Variants in PREP observed in about 807,000 individuals in gnomAD.
PREP encodes the protein dJ355L5.1 (prolyl endopeptidase).
Under a neutral mutation model 87.6 loss-of-function variants are expected in PREP, and 29 were observed. The observed-to-expected ratio is 0.33, with a 90% CI of 0.25 to 0.45. The LOEUF (loss-of-function observed/expected upper bound fraction) is 0.45. Among genes scored for constraint, PREP ranks in the 20% least tolerant of loss-of-function variants. The pLI is 1.00. For synonymous variants in PREP, 337 were observed against 328.6 expected (o/e 1.03, Z -0.28); for missense variants, 695 against 886.5 (o/e 0.78, Z 2.74).
rs552522056 is a variant in PREP, at chr6:105,300,570, A to G, written c.1318-11676T>C. ...GCACATTTAAAACCATATTCTAAGA[A>G]TAATTGTTTAACAGATAAGAACTCA... On this transcript the variant is annotated intron_variant, in intron 10 of 14. Coordinates refer to ENST00000652536, the MANE Select transcript of PREP (RefSeq NM_002726.5). Among the ~76,000 whole-genome samples the G allele has an allele frequency of 3.3e-5, 5 of 152,354 alleles. No individual in the cohort carries two copies. In the South Asian group the frequency reaches 1.0e-3, roughly 32 times the overall value.
At chr6:105,341,953 G>T (rs1371162234) in intron 7 of PREP, among the ~76,000 whole-genome samples, 3 of 152,164 alleles carry the variant, frequency 2.0e-5, no homozygotes, top group Non-Finnish European at 4.4e-5. Context: ...TCTACCAGAG[G>T]TACAAAGAGG....
At chr6:105,284,899 G>A (rs771625618) in intron 12 of PREP, among the ~76,000 whole-genome samples, 2 of 152,174 alleles carry the variant, frequency 1.3e-5, no homozygotes, top group African/African-American at 2.4e-5. Flanking sequence ...GAATGGAGAC[G>A]GAATAAAACT....
chr6:105,303,147 G>A (rs746587302), intron 10 of PREP, among the ~76,000 whole-genome samples: 4 of 145,064 alleles, frequency 2.8e-5, no homozygotes, highest in Non-Finnish European at 4.6e-5. Context: ...ATGTATGTAT[G>A]TATGTATGTA....
chr6:105,365,444 T>A (rs1338292979), intron 6 of PREP, among the ~76,000 whole-genome samples: 1 of 152,150 alleles, frequency 6.6e-6, no homozygotes, highest in Admixed American at 6.5e-5. Flanking sequence ...CACCTCAAGA[T>A]TTTTTTCATG....
chr6:105,344,473 T>TA (rs1283159550), intron 7 of PREP, among the ~76,000 whole-genome samples: 2 of 143,506 alleles, frequency 1.4e-5, no homozygotes, highest in East Asian at 4.2e-4. Context: ...GCCTGGGAGA[T>TA]AGAGTGAGAC....
intron 2 of PREP, among the ~76,000 whole-genome samples, chr6:105,394,677 C>T (rs1012095051): frequency 5.9e-5 from 9 of 152,044 alleles, no homozygotes; most frequent in African/African-American, 1.5e-4. Flanking sequence ...TGGTGGTGTG[C>T]GCCTGTAGTC....
chr6:105,342,390 A>G (rs1021240555), intron 7 of PREP, among the ~76,000 whole-genome samples: 4 of 152,214 alleles, frequency 2.6e-5, no homozygotes, highest in Non-Finnish European at 5.9e-5. Flanking sequence ...TCTCAAAATA[A>G]TAAGAGCTAT....
intron 10 of PREP, among the ~76,000 whole-genome samples, chr6:105,295,563 C>G (rs1384496459): frequency 6.6e-6 from 1 of 152,080 alleles, no homozygotes; most frequent in Non-Finnish European, 1.5e-5. Context: ...CTATCCCCAC[C>G]CCTGCTCTTT....
chr6:105,294,227 G>A (rs888924287), intron 10 of PREP, among the ~76,000 whole-genome samples: 12 of 152,164 alleles, frequency 7.9e-5, no homozygotes, highest in South Asian at 2.1e-4. Context: ...ATTCTGATAC[G>A]ACAGGTCTAG....
At chr6:105,373,278 A>T in intron 5 of PREP, 91 bp downstream of exon 5, 1 of 1,378,962 alleles carries the variant, frequency 7.3e-7, no homozygotes, top group East Asian at 2.3e-5. Flanking sequence ...GGACCACACA[A>T]CCTCTATGTA....
At chr6:105,303,453 G>A (rs528374952) in intron 10 of PREP, among the ~76,000 whole-genome samples, 4 of 151,896 alleles carry the variant, frequency 2.6e-5, no homozygotes, top group South Asian at 4.2e-4. Flanking sequence ...TAGTGATATT[G>A]CTGTTTCGCA....
At chr6:105,384,446 G>T (rs749115009) in intron 2 of PREP, among the ~76,000 whole-genome samples, 4 of 152,162 alleles carry the variant, frequency 2.6e-5, no homozygotes, top group Non-Finnish European at 5.9e-5. Context: ...CCATCAGATC[G>T]TATCATCTGC....
At chr6:105,304,491 G>A (rs1270660291) in intron 10 of PREP, among the ~76,000 whole-genome samples, 6 of 152,126 alleles carry the variant, frequency 3.9e-5, no homozygotes, top group Non-Finnish European at 8.8e-5. Context: ...CATACTGTAT[G>A]CTCTTAGCCA....
chr6:105,334,313 CT>C (rs1771423262), intron 7 of PREP, among the ~76,000 whole-genome samples: 1 of 152,260 alleles, frequency 6.6e-6, no homozygotes. Context: ...GCCTCACTTC[CT>C]GTCCTTTACT....
At chr6:105,284,956 A>C (rs890111360) in intron 12 of PREP, among the ~76,000 whole-genome samples, 1 of 152,256 alleles carries the variant, frequency 6.6e-6, no homozygotes, top group African/African-American at 2.4e-5. Context: ...CGACAGAGTC[A>C]CAGCAGCAAT....
At chr6:105,291,549 A>G (rs1770296791) in intron 10 of PREP, among the ~76,000 whole-genome samples, 1 of 152,178 alleles carries the variant, frequency 6.6e-6, no homozygotes, top group South Asian at 2.1e-4. Flanking sequence ...AAGGAGAGAC[A>G]GGCCTAGCTT....
At chr6:105,362,439 C>A (rs781589771) in intron 6 of PREP, among the ~76,000 whole-genome samples, 1 of 152,162 alleles carries the variant, frequency 6.6e-6, no homozygotes, top group Non-Finnish European at 1.5e-5. Flanking sequence ...CCAGCCTGGG[C>A]GACAGAGCGA....
At chr6:105,307,601 A>T (rs935706806) in intron 10 of PREP, among the ~76,000 whole-genome samples, 1 of 152,144 alleles carries the variant, frequency 6.6e-6, no homozygotes, top group South Asian at 2.1e-4. Context: ...TTGCTTAAGC[A>T]ATGTTTTCAC....
chr6:105,402,775 G>C, intron 1 of PREP, 72 bp downstream of exon 1: 1 of 1,389,170 alleles, frequency 7.2e-7, no homozygotes, highest in Non-Finnish European at 9.8e-7. Context: ...AAGAGGAGCT[G>C]CGGGTGCCAC....
Sources: gnomAD v4.1 joint callset for allele counts (sites outside exome capture counted in the v4.1 genomes callset) on GRCh38, gnomAD v4.1.1 for gene constraint, MANE v1.5 for transcripts, NCBI Gene and HGNC (gene_info 2026-07-23, HGNC 2026-07-21) for gene names.